PRDM1: variants seen among roughly 807,000 people sequenced by gnomAD.
PRDM1 encodes PR/SET domain 1, also known as PR domain zinc finger protein 1.
Under a neutral mutation model 62.8 loss-of-function variants are expected in PRDM1, and 13 were observed. The ratio of observed to expected loss-of-function variants is 0.21; its 90% CI spans 0.13 to 0.33. The LOEUF (loss-of-function observed/expected upper bound fraction) is 0.33, where lower values mean the gene tolerates loss of function less well. Ranked by LOEUF, PRDM1 falls within the 10% of genes least tolerant of loss-of-function variation. PRDM1 has a pLI of 1.00. For synonymous variants in PRDM1, 396 were observed against 417.6 expected, an observed-to-expected ratio of 0.95 and a Z score of 0.63; for missense variants, 895 against 1,058.8, an observed-to-expected ratio of 0.85 and a Z score of 2.15.
chr6:106,062,023 G>A (rs1356657384), intron 1 of PRDM1, among the ~76,000 whole-genome samples: 1 of 152,160 alleles, frequency 6.6e-6, no homozygotes, highest in Non-Finnish European at 1.5e-5. Flanking sequence ...GCAAGGGTGG[G>A]GGAAAAACAG....
rs1479775741 is a variant in PRDM1 at position 106,086,476 on chromosome 6, G to C, written c.-78G>C. 1.1e-5 allele frequency: 16 copies of C among 1,412,086 alleles called. No homozygotes were observed. Among genetic ancestry groups the C allele is most frequent in the Non-Finnish European group, 1.4e-5 (14 of 1,030,764 alleles). The allele number at this position is 1,412,086 out of a possible 1,614,324, so 87.5% of individuals were successfully genotyped here. On this transcript the variant is annotated 5_prime_UTR_variant, in exon 1 of 7. Coordinates refer to ENST00000369096, the MANE Select transcript of PRDM1 (RefSeq NM_001198.4). ...CGAAGCGAGGAGGGACCGCCGAGGT[G>C]CGCGTCTGTGCGGCTCAGCCTGGCG...
chr6:106,071,299 C>T (rs1773512494), intron 1 of PRDM1, among the ~76,000 whole-genome samples: 1 of 151,828 alleles, frequency 6.6e-6, no homozygotes, highest in Admixed American at 6.6e-5. Flanking sequence ...TATTATGCCA[C>T]CCATTCATGT....
At chr6:106,009,079 C>T (rs1052052100) in intron 1 of PRDM1, among the ~76,000 whole-genome samples, 4 of 152,332 alleles carry the variant, frequency 2.6e-5, no homozygotes, top group Non-Finnish European at 5.9e-5. Context: ...CTTTCGCTCA[C>T]GCCCCCTTCT....
chr6:106,042,384 G>A (rs375789212), intron 1 of PRDM1, among the ~76,000 whole-genome samples: 10 of 151,240 alleles, frequency 6.6e-5, no homozygotes, highest in East Asian at 2.0e-4. Context: ...AAAATTAGCC[G>A]GGCGTGGTGG....
chr6:106,027,937 A>T (rs1320295728), intron 1 of PRDM1, among the ~76,000 whole-genome samples: 1 of 152,178 alleles, frequency 6.6e-6, no homozygotes, highest in African/African-American at 2.4e-5. Context: ...GTTTGCAAAT[A>T]GTGAATTTAC....
chr6:106,020,157 G>A (rs1002772079), intron 1 of PRDM1, among the ~76,000 whole-genome samples: 2 of 149,652 alleles, frequency 1.3e-5, no homozygotes, highest in African/African-American at 4.9e-5. Flanking sequence ...GAACCCAGGA[G>A]GGGAAATAGA....
At chr6:106,066,165 C>T (rs547058634) in intron 1 of PRDM1, among the ~76,000 whole-genome samples, 9 of 152,186 alleles carry the variant, frequency 5.9e-5, no homozygotes, top group East Asian at 3.9e-4. Context: ...AGATTCTGTG[C>T]GTGGTCATTA....
At chr6:106,022,734 T>C (rs1184565922) in intron 1 of PRDM1, among the ~76,000 whole-genome samples, 1 of 152,084 alleles carries the variant, frequency 6.6e-6, no homozygotes, top group Non-Finnish European at 1.5e-5. Context: ...TTTTTAATTT[T>C]TTAAAGAGAC....
At position 106,088,284 on chromosome 6, in the gene PRDM1, G is replaced by A. The variant is rs770298280; in HGVS notation, c.126G>A (p.Glu42=). ...GTKGTMKMDM[E]DADMTLWTEA... ...AGGGGACCATGAAAATGGACATGGA[G>A]GATGCGGATATGACTCTGTGGACAG... The change falls in exon 2 of 7, where the codon GAG becomes GAA. Residue 42 remains glutamate (E), a synonymous_variant. Transcript: ENST00000369096. 1.2e-6 allele frequency: 2 copies of A among 1,614,028 alleles called. No individual in the cohort carries two copies. Among genetic ancestry groups the A allele is most frequent in the African/African-American group, 2.7e-5 (2 of 74,898 alleles).
chr6:106,058,761 G>A (rs1056675124), intron 1 of PRDM1, among the ~76,000 whole-genome samples: 3 of 151,998 alleles, frequency 2.0e-5, no homozygotes, highest in Non-Finnish European at 2.9e-5. Context: ...TAGTAGAGGC[G>A]GTTTCTCCAT....
chr6:106,007,557 G>T (rs1271949938), intron 1 of PRDM1, among the ~76,000 whole-genome samples: 2 of 152,190 alleles, frequency 1.3e-5, no homozygotes, highest in African/African-American at 2.4e-5. Flanking sequence ...AAAGATGGGG[G>T]TATTGACAAC....
intron 1 of PRDM1, among the ~76,000 whole-genome samples, chr6:106,063,054 GT>G (rs1773372374): frequency 6.6e-6 from 1 of 152,142 alleles, no homozygotes; most frequent in African/African-American, 2.4e-5. Flanking sequence ...TCGTTGTGTT[GT>G]TTTCCTGGGG....
At chr6:106,018,146 G>T (rs1365509199) in intron 1 of PRDM1, among the ~76,000 whole-genome samples, 1 of 151,650 alleles carries the variant, frequency 6.6e-6, no homozygotes, top group Non-Finnish European at 1.5e-5. Context: ...TTTTTTGAGG[G>T]CTATTTCCTC....
At chr6:106,064,660 G>A (rs1773400720) in intron 1 of PRDM1, among the ~76,000 whole-genome samples, 2 of 152,168 alleles carry the variant, frequency 1.3e-5, no homozygotes, top group South Asian at 4.1e-4. Context: ...GGGTCCTTAT[G>A]TTTCAGATGT....
rs1161234348 is a variant in PRDM1 at position 106,106,828 on chromosome 6, A to C, written c.1903-83A>C. ...CCTAGGTTGCTGGGCGTTGGCCGGT[A>C]AGCCTGCCCCTCCCGTTGGCAACTC... is the stretch of plus-strand genomic sequence containing the variant. On this transcript the variant is annotated intron_variant, in intron 6 of 6. Coordinates refer to ENST00000369096, the MANE Select transcript of PRDM1 (RefSeq NM_001198.4). The surrounding 1 kb of genome is among the most constrained non-coding windows in gnomAD (Gnocchi z 4.4). 5.6e-6 allele frequency: 8 copies of C among 1,430,486 alleles called. No individual in the cohort carries two copies. Among genetic ancestry groups the C allele is most frequent in the Non-Finnish European group, 7.6e-6 (8 of 1,052,092 alleles). The allele number at this position is 1,430,486 out of a possible 1,614,324, so 88.6% of individuals were successfully genotyped here.
intron 1 of PRDM1, among the ~76,000 whole-genome samples, chr6:106,033,201 A>G (rs1386162956): frequency 1.3e-5 from 2 of 152,080 alleles, no homozygotes; most frequent in East Asian, 1.9e-4. Context: ...GTGCAGTGGC[A>G]CAATCATAGC....
chr6:106,019,410 A>G (rs915109694), intron 1 of PRDM1, among the ~76,000 whole-genome samples: 7 of 151,712 alleles, frequency 4.6e-5, no homozygotes, highest in African/African-American at 1.7e-4. Context: ...TAGATCGCTC[A>G]TACTGAGTTT....
chr6:106,054,310 T>C (rs1335308331), intron 1 of PRDM1, among the ~76,000 whole-genome samples: 1 of 152,188 alleles, frequency 6.6e-6, no homozygotes, highest in Non-Finnish European at 1.5e-5. Context: ...CTCTTAATCC[T>C]TCTTTAAAGC....
chr6:106,013,692 G>C (rs1772584628), intron 1 of PRDM1, among the ~76,000 whole-genome samples: 1 of 152,124 alleles, frequency 6.6e-6, no homozygotes, highest in Non-Finnish European at 1.5e-5. Context: ...ATATTGTATA[G>C]TGCTGCCAAG....
Sources: gnomAD v4.1 joint callset for allele counts (sites outside exome capture counted in the v4.1 genomes callset) on GRCh38, gnomAD v4.1.1 for gene constraint, Gnocchi (gnomAD v3.1) non-coding constraint, MANE v1.5 for transcripts, NCBI Gene and HGNC (gene_info 2026-07-23, HGNC 2026-07-21) for gene names.